LGR5: variants seen among roughly 807,000 people sequenced by gnomAD.
LGR5 encodes the protein leucine rich repeat containing G protein-coupled receptor 5.
A neutral mutation model predicts 76.7 loss-of-function variants in LGR5; 54 were observed. The observed-to-expected ratio is 0.70, with a 90% CI of 0.57 to 0.88. LGR5 has a LOEUF of 0.88. Among genes scored for constraint, LGR5 ranks in the 40% least tolerant of loss-of-function variants. The pLI, the probability that LGR5 is intolerant of heterozygous loss-of-function variation, is 0.00. For missense variants in LGR5, 1,078 were observed against 1,073.3 expected (o/e 1.00, Z -0.06); for synonymous variants, 406 against 421.9 (o/e 0.96, Z 0.46).
intron 3 of LGR5, among the ~76,000 whole-genome samples, chr12:71,533,578 A>G (rs889920175): frequency 1.3e-5 from 2 of 152,180 alleles, no homozygotes; most frequent in African/African-American, 4.8e-5. Context: ...AAAGTTTGAC[A>G]ACCAATGGCA....
intron 4 of LGR5, among the ~76,000 whole-genome samples, chr12:71,546,604 T>C (rs2137395069): frequency 6.6e-6 from 1 of 152,110 alleles, no homozygotes; most frequent in South Asian, 2.1e-4. Flanking sequence ...AGGCCCTTCC[T>C]CACCATTTTC....
chr12:71,528,910 T>C (rs1477518575), intron 3 of LGR5, among the ~76,000 whole-genome samples: 2 of 152,194 alleles, frequency 1.3e-5, no homozygotes, highest in Non-Finnish European at 2.9e-5. Context: ...AATTAATGCT[T>C]GCTTCAGAAT....
At chr12:71,559,364 ACT>A (rs1335936189) in intron 6 of LGR5, among the ~76,000 whole-genome samples, 2 of 152,016 alleles carry the variant, frequency 1.3e-5, no homozygotes, top group Admixed American at 6.6e-5. Context: ...TTGAGTCCTG[ACT>A]CTCAAATTTC....
At chr12:71,491,473 A>T (rs957974924) in intron 1 of LGR5, among the ~76,000 whole-genome samples, 2 of 152,118 alleles carry the variant, frequency 1.3e-5, no homozygotes, top group African/African-American at 2.4e-5. Context: ...TCTTTAGAGA[A>T]TAAAGTTTTT....
At chr12:71,487,298 A>G (rs764907397) in intron 1 of LGR5, among the ~76,000 whole-genome samples, 5 of 152,222 alleles carry the variant, frequency 3.3e-5, no homozygotes, top group Non-Finnish European at 7.3e-5. Flanking sequence ...CTTTTCAAAC[A>G]TGTCTCAAAT....
intron 1 of LGR5, among the ~76,000 whole-genome samples, chr12:71,446,951 A>AATAG (rs1228546076): frequency 6.6e-6 from 1 of 152,244 alleles, no homozygotes; most frequent in Non-Finnish European, 1.5e-5. Flanking sequence ...AAGAGGGATC[A>AATAG]ATAGATTAGT....
chr12:71,492,303 G>A (rs1342038752), intron 1 of LGR5, among the ~76,000 whole-genome samples: 2 of 152,176 alleles, frequency 1.3e-5, no homozygotes, highest in Non-Finnish European at 2.9e-5. Flanking sequence ...AGGTTAGAAA[G>A]CAAATCTCAT....
intron 13 of LGR5, among the ~76,000 whole-genome samples, chr12:71,575,366 A>C (rs760858172): frequency 5.0e-4 from 76 of 152,190 alleles, no homozygotes; most frequent in Admixed American, 3.3e-4. Flanking sequence ...GAAATGCAGA[A>C]ATACCATTTG....
rs1176556516 is a variant in LGR5 at position 71,535,097 on chromosome 12, A to C, written c.357-18A>C. ...TTCATTTTTTTTAACATTTTTCTTT[A>C]TTTCTTTTAACATACAGTATGCTGC... On this transcript the variant is annotated intron_variant, in intron 3 of 17. Transcript: ENST00000266674. 6.3e-7 allele frequency: 1 copy of C among 1,575,936 alleles called. No homozygotes were observed. Among genetic ancestry groups the C allele is most frequent in the African/African-American group, 1.4e-5 (1 of 73,834 alleles).
chr12:71,488,669 C>G (rs181035389), intron 1 of LGR5, among the ~76,000 whole-genome samples: 1 of 152,242 alleles, frequency 6.6e-6, no homozygotes, highest in Admixed American at 6.5e-5. Context: ...TTCAAAGACA[C>G]GGGTCTCCTT....
intron 4 of LGR5, among the ~76,000 whole-genome samples, chr12:71,543,856 T>C (rs767573326): frequency 7.9e-5 from 12 of 152,166 alleles, no homozygotes; most frequent in Non-Finnish European, 1.5e-4. Context: ...TGGAAGGCAA[T>C]GGAAGATTCA....
At chr12:71,567,561 T>C (rs11178850) in intron 11 of LGR5, among the ~76,000 whole-genome samples, 3,544 of 152,282 alleles carry the variant, frequency 0.023, 76 homozygotes, top group African/African-American at 0.062. Flanking sequence ...TGGGACTTAA[T>C]AAAAGGACTC....
chr12:71,451,677 G>A (rs181000628), intron 1 of LGR5, among the ~76,000 whole-genome samples: 2 of 152,096 alleles, frequency 1.3e-5, no homozygotes, highest in South Asian at 2.1e-4. Flanking sequence ...CTACTTGTCC[G>A]TTTCTACTAC....
At chr12:71,541,649 C>T (rs1014622516) in intron 4 of LGR5, among the ~76,000 whole-genome samples, 3 of 152,170 alleles carry the variant, frequency 2.0e-5, no homozygotes, top group Non-Finnish European at 4.4e-5. Context: ...AAGCAGCAGC[C>T]TCCCATATTT....
chr12:71,494,314 G>A (rs537271915), intron 1 of LGR5, among the ~76,000 whole-genome samples: 23 of 150,690 alleles, frequency 1.5e-4, no homozygotes, highest in African/African-American at 5.5e-4. Flanking sequence ...CTAGGCTAAA[G>A]CAATCCTCCC....
intron 1 of LGR5, among the ~76,000 whole-genome samples, chr12:71,479,687 C>T (rs1188211981): frequency 6.6e-6 from 1 of 151,932 alleles, no homozygotes. Flanking sequence ...TGAAGAGGAG[C>T]CAGCCATTGG....
intron 5 of LGR5, 36 bp downstream of exon 5, chr12:71,553,324 T>C: frequency 1.9e-6 from 3 of 1,552,212 alleles, no homozygotes; most frequent in Non-Finnish European, 2.7e-6. Flanking sequence ...TTTAACAGTT[T>C]CTAATGTCAC....
chr12:71,518,072 C>T (rs918258365), intron 2 of LGR5, among the ~76,000 whole-genome samples: 2 of 152,114 alleles, frequency 1.3e-5, no homozygotes, highest in Admixed American at 1.3e-4. Flanking sequence ...TCTATTCTCC[C>T]CTTTAAAAGG....
chr12:71,475,923 C>A (rs1271743663), intron 1 of LGR5, among the ~76,000 whole-genome samples: 1 of 152,066 alleles, frequency 6.6e-6, no homozygotes, highest in African/African-American at 2.4e-5. Context: ...TCTATACATC[C>A]TTTCCTCCTT....
Sources: allele counts gnomAD v4.1 joint callset (sites outside exome capture counted in the v4.1 genomes callset), GRCh38; gene constraint gnomAD v4.1.1; transcripts MANE v1.5; gene names NCBI Gene and HGNC (gene_info 2026-07-23, HGNC 2026-07-21).